Variants in RALGPS2 observed in about 807,000 individuals in gnomAD.
The protein encoded by RALGPS2 is Ral GEF with PH domain and SH3 binding motif 2.
A neutral mutation model predicts 86.8 loss-of-function variants in RALGPS2; 43 were observed. The observed-to-expected ratio is 0.50, with a 90% confidence interval of 0.39 to 0.64. The LOEUF (loss-of-function observed/expected upper bound fraction) is 0.64, where lower values mean the gene tolerates loss of function less well. Among genes scored for constraint, RALGPS2 ranks in the 30% least tolerant of loss-of-function variants. The pLI, the probability that RALGPS2 is intolerant of heterozygous loss-of-function variation, is 0.00. For missense variants in RALGPS2, 536 were observed against 694.6 expected, an observed-to-expected ratio of 0.77 and a Z score of 2.57; for synonymous variants, 243 against 231.3, an observed-to-expected ratio of 1.05 and a Z score of -0.46.
At chr1:178,839,007 CTA>C (rs1656438036) in intron 8 of RALGPS2, among the ~76,000 whole-genome samples, 1 of 152,102 alleles carries the variant, frequency 6.6e-6, no homozygotes, top group Non-Finnish European at 1.5e-5. Flanking sequence ...AAAAATGGGA[CTA>C]TGTGAAAAGA....
At chr1:178,856,891 C>G (rs1325684969) in intron 8 of RALGPS2, among the ~76,000 whole-genome samples, 2 of 152,126 alleles carry the variant, frequency 1.3e-5, no homozygotes, top group Non-Finnish European at 2.9e-5. Flanking sequence ...TAGCTCTTAA[C>G]ATAATTTGTA....
intron 8 of RALGPS2, among the ~76,000 whole-genome samples, chr1:178,836,705 G>A (rs1656287485): frequency 6.6e-6 from 1 of 152,134 alleles, no homozygotes; most frequent in African/African-American, 2.4e-5. Context: ...GCTTTTATTA[G>A]CTGCTCTTAC....
chr1:178,885,155 A>T lies in RALGPS2; in HGVS notation c.984A>T (p.Pro328=), dbSNP rs758489717. The T allele has an allele frequency of 6.2e-7, 1 of 1,613,966 alleles. No homozygotes were observed. Among genetic ancestry groups the T allele is most frequent in the Non-Finnish European group, 8.5e-7 (1 of 1,179,934 alleles). The part of the protein sequence containing the change: ...AEGALLPQTP[P]SPRNLIPHGH... ...GAGCCTTGCTCCCACAGACACCGCC[A>T]TCCCCTCGGAATCTGATTCCACATG... Residue 328 remains proline, a synonymous_variant, in exon 12 of 20, where the codon CCA becomes CCT. Transcript: ENST00000367635.
At chr1:178,890,045 A>G (rs911301263) in intron 14 of RALGPS2, among the ~76,000 whole-genome samples, 2 of 151,982 alleles carry the variant, frequency 1.3e-5, no homozygotes, top group Non-Finnish European at 2.9e-5. Context: ...TAAGGCATTT[A>G]GTGGAATGGT....
In RALGPS2 at chr1:178,895,073, GA is replaced by G. The variant is rs780728430; in HGVS notation, c.1431+1055del. Among the ~76,000 whole-genome samples the G allele has an allele frequency of 4.5e-4, 69 of 151,952 alleles. No homozygotes were observed. In the Middle Eastern group the frequency reaches 0.01, roughly 22 times the overall value. On this transcript the variant is annotated intron_variant, in intron 16 of 19. Transcript: ENST00000367635. ...CAAACCTATAACTATATTGGGGGGG[GA>G]AAAAAGGAAGATTGGTGGAACAAAG... is the stretch of plus-strand genomic sequence containing the variant.
intron 4 of RALGPS2, among the ~76,000 whole-genome samples, chr1:178,796,926 A>T (rs562288435): frequency 6.6e-6 from 1 of 152,272 alleles, no homozygotes; most frequent in Admixed American, 6.5e-5. Context: ...TTTATATATG[A>T]TTTACTATTT....
At chr1:178,913,594 A>G (rs746147881) in intron 19 of RALGPS2, among the ~76,000 whole-genome samples, 21 of 152,304 alleles carry the variant, frequency 1.4e-4, no homozygotes, top group Non-Finnish European at 2.6e-4. Flanking sequence ...GTTCTTTCTC[A>G]TCTGTGAGGG....
chr1:178,815,956 G>A (rs1029092316), intron 6 of RALGPS2, among the ~76,000 whole-genome samples: 1 of 152,136 alleles, frequency 6.6e-6, no homozygotes, highest in African/African-American at 2.4e-5. Flanking sequence ...CCAGTGTATG[G>A]ATATTCCACA....
In RALGPS2 at chr1:178,897,700, G is replaced by A; in HGVS notation, c.1468G>A (p.Gly490Arg). 6.2e-7 allele frequency: 1 copy of A among 1,612,568 alleles called. No individual in the cohort carries two copies. The highest frequency in any genetic ancestry group is 1.1e-5 in the South Asian group (1 of 91,014). ...SWTKYWAALC[G>R]TQLFYYAAKS... ...GACAAAATATTGGGCAGCTTTGTGT[G>A]GGACACAGCTTTTTTACTATGCTGC... The change falls in exon 17 of 20, where the codon GGG becomes AGG. Residue 490 changes from glycine to arginine, a missense_variant. Gly to Arg is a moderately radical substitution (Grantham distance 125). Coordinates refer to ENST00000367635, the MANE Select transcript of RALGPS2 (RefSeq NM_152663.5).
intron 6 of RALGPS2, among the ~76,000 whole-genome samples, chr1:178,813,356 C>G (rs539419729): frequency 1.3e-5 from 2 of 152,302 alleles, no homozygotes; most frequent in African/African-American, 4.8e-5. Context: ...AAATTTTGCT[C>G]AAACCTACCA....
At chr1:178,797,147 C>T (rs1418558001) in intron 4 of RALGPS2, among the ~76,000 whole-genome samples, 4 of 152,114 alleles carry the variant, frequency 2.6e-5, no homozygotes, top group Non-Finnish European at 5.9e-5. Context: ...TTTTGATGTT[C>T]ATATGAGATA....
At position 178,889,708 on chromosome 1, in the gene RALGPS2, T is replaced by C; in HGVS notation, c.1247+12T>C. 6.3e-7 allele frequency: 1 copy of C among 1,594,926 alleles called. No homozygotes were observed. Among genetic ancestry groups the C allele is most frequent in the East Asian group, 2.3e-5 (1 of 44,330 alleles). Reference sequence around the variant, plus strand: ...CCTGCTTTTGAAAGGTAAGATAAATTGTCCATTTGAACTACTTGGAGTTTA... The same window carrying C: ...CCTGCTTTTGAAAGGTAAGATAAATCGTCCATTTGAACTACTTGGAGTTTA... On this transcript the variant is annotated intron_variant, in intron 14 of 19. Transcript: ENST00000367635.
intron 1 of RALGPS2, among the ~76,000 whole-genome samples, chr1:178,758,199 C>T (rs956988089): frequency 6.6e-6 from 1 of 151,796 alleles, no homozygotes; most frequent in Non-Finnish European, 1.5e-5. Context: ...ATCTGGTGGT[C>T]TGTTAATCTC....
At chr1:178,830,102 T>C (rs1655944269) in intron 7 of RALGPS2, among the ~76,000 whole-genome samples, 1 of 152,180 alleles carries the variant, frequency 6.6e-6, no homozygotes, top group Admixed American at 6.5e-5. Flanking sequence ...TAACTAACTT[T>C]GTGAGATGAT....
rs559307752 is a variant in RALGPS2 at position 178,795,987 on chromosome 1, C to T, written c.213+10380C>T. Among the ~76,000 whole-genome samples, 466 of 152,252 alleles carry T rather than the reference C, an allele frequency of 3.1e-3. 4 individuals carry two copies. Among genetic ancestry groups the T allele is most frequent in the African/African-American group, 0.01 (432 of 41,546 alleles). ...GTAGACTTGAAATTGTTCTGCTATA[C>T]AGACCAGAATAAACCAATTGCTGTG... is the stretch of plus-strand genomic sequence containing the variant. On this transcript the variant is annotated intron_variant, in intron 4 of 19. Coordinates refer to ENST00000367635, the MANE Select transcript of RALGPS2 (RefSeq NM_152663.5).
At chr1:178,856,147 T>C (rs1422924224) in intron 8 of RALGPS2, among the ~76,000 whole-genome samples, 1 of 146,374 alleles carries the variant, frequency 6.8e-6, no homozygotes, top group Admixed American at 6.9e-5. Flanking sequence ...ATAAGGAGAA[T>C]AGGATTGTTG....
At chr1:178,784,309 C>A in intron 2 of RALGPS2, 109 bp from the exon 3 acceptor site, 1 of 673,838 alleles carries the variant, frequency 1.5e-6, no homozygotes, top group Non-Finnish European at 2.3e-6. Context: ...TTTTCTGCAG[C>A]ATTTGTTAAC....
intron 1 of RALGPS2, among the ~76,000 whole-genome samples, chr1:178,744,589 G>A (rs567532171): frequency 4.5e-4 from 69 of 152,134 alleles, no homozygotes; most frequent in African/African-American, 1.6e-3. Context: ...GAGCAGGGGT[G>A]GATCACTTGA....
At chr1:178,912,022 C>T (rs1022620751) in intron 19 of RALGPS2, among the ~76,000 whole-genome samples, 11 of 152,060 alleles carry the variant, frequency 7.2e-5, no homozygotes, top group African/African-American at 2.4e-4. Flanking sequence ...AGACTAGCAA[C>T]CTTTGTTCTT....
Sources: gnomAD v4.1 joint callset for allele counts (sites outside exome capture counted in the v4.1 genomes callset) on GRCh38, gnomAD v4.1.1 for gene constraint, MANE v1.5 for transcripts, NCBI Gene and HGNC (gene_info 2026-07-23, HGNC 2026-07-21) for gene names.